Variants in EXO1 observed in about 807,000 individuals in gnomAD.
EXO1 encodes the protein exonuclease 1.
Under a neutral mutation model 84.5 loss-of-function variants are expected in EXO1, and 69 were observed. The ratio of observed to expected loss-of-function variants is 0.82; its 90% CI spans 0.67 to 1.00. The LOEUF (loss-of-function observed/expected upper bound fraction) is 1.00, where lower values mean the gene tolerates loss of function less well. Ranked by LOEUF, EXO1 falls within the 50% of genes least tolerant of loss-of-function variation. The probability of loss-of-function intolerance (pLI) is 0.00; values close to 1 mark genes in which losing one functional copy is unlikely to be tolerated. For synonymous variants in EXO1, 373 were observed against 366.1 expected (o/e 1.02, Z -0.21); for missense variants, 1,045 against 1,000.7 (o/e 1.04, Z -0.60).
intron 8 of EXO1, among the ~76,000 whole-genome samples, chr1:241,859,470 C>T (rs1222500207): frequency 6.6e-6 from 1 of 152,124 alleles, no homozygotes; most frequent in Non-Finnish European, 1.5e-5. Flanking sequence ...TATAAAATTA[C>T]CTTCAGTCTA....
At chr1:241,884,870 G>T (rs2148536175) in intron 14 of EXO1, among the ~76,000 whole-genome samples, 1 of 152,274 alleles carries the variant, frequency 6.6e-6, no homozygotes, top group Middle Eastern at 3.4e-3. Flanking sequence ...TTTATAAATA[G>T]CACATTTTTA....
chr1:241,885,389 G>A lies in EXO1; in HGVS notation c.2287G>A (p.Ala763Thr). 1 of 1,613,876 alleles carries A rather than the reference G, an allele frequency of 6.2e-7. No individual in the cohort carries two copies. The highest frequency in any genetic ancestry group is 1.1e-5 in the South Asian group (1 of 91,074). Residue 763 changes from alanine (A) to threonine (T), a missense_variant, in exon 15 of 16, where the codon GCC becomes ACC. Coordinates refer to ENST00000366548, the MANE Select transcript of EXO1 (RefSeq NM_130398.4). ...TKIKPLGPARASGLSKKPASI... is the reference protein window; with the variant it reads ...TKIKPLGPARTSGLSKKPASI... ...GATCAAACCTCTAGGACCTGCCAGA[G>A]CCAGTGGGCTGAGCAAGAAGCCGGC... is the stretch of plus-strand genomic sequence containing the variant.
At position 241,889,814 on chromosome 1, in the gene EXO1, G is replaced by C; in HGVS notation, c.*214G>C. ...TAAGAAGCTAAATAGAAGAATAATT[G>C]TATCTCTGACAGGTTTTTGGAGGTT... On this transcript the variant is annotated 3_prime_UTR_variant, in exon 16 of 16. Coordinates refer to ENST00000366548, the MANE Select transcript of EXO1 (RefSeq NM_130398.4). The C allele has an allele frequency of 3.6e-6, 2 of 552,438 alleles. No homozygotes were observed. Among genetic ancestry groups the C allele is most frequent in the Non-Finnish European group, 6.4e-6 (2 of 311,572 alleles). The allele number at this position is 552,438 out of a possible 1,614,324, so 34.2% of individuals were successfully genotyped here. A position where few individuals can be genotyped will look rare whatever the true frequency, so the allele number is the denominator to read the frequency against.
intron 15 of EXO1, among the ~76,000 whole-genome samples, chr1:241,889,133 A>G (rs1663237810): frequency 6.6e-6 from 1 of 152,176 alleles, no homozygotes; most frequent in Non-Finnish European, 1.5e-5. Context: ...TGCTTCACTT[A>G]TATTAGTTCT....
At chr1:241,852,975 TAAAA>T (rs963897079) in intron 5 of EXO1, among the ~76,000 whole-genome samples, 114 of 152,314 alleles carry the variant, frequency 7.5e-4, no homozygotes, top group African/African-American at 2.6e-3. Context: ...AATTAATAAA[TAAAA>T]TTTTAATTTG....
chr1:241,872,395 T>C lies in EXO1; in HGVS notation c.1514+117T>C, dbSNP rs544429205. On this transcript the variant is annotated intron_variant, in intron 12 of 15. Transcript: ENST00000366548. ...TATACTTTAAGTTCTGGGGTACATG[T>C]GCAGAACGTGCAGTTTTGTTACATG... 4.3e-4 allele frequency: 488 copies of C among 1,122,900 alleles called. No individual in the cohort carries two copies. In the African/African-American group the frequency reaches 7.0e-3, roughly 16 times the overall value. 69.6% of individuals were successfully genotyped at this position (1,122,900 alleles called of 1,614,324 possible). A position where few individuals can be genotyped will look rare whatever the true frequency, so the allele number is the denominator to read the frequency against.
rs61644263 is a variant in EXO1, at chr1:241,885,836, GGTTTTTT to G, written c.2405+358_2405+364del. 1.0e-3 allele frequency among the ~76,000 whole-genome samples: 38 copies of G among 37,814 alleles called. 1 individual carries two copies. Among genetic ancestry groups the G allele is most frequent in the East Asian group, 3.3e-3 (7 of 2,146 alleles). 24.8% of individuals were successfully genotyped at this position (37,814 alleles called of 152,430 possible). The stretch of plus-strand genomic sequence containing the variant: ...TTGTAAAGAGAATAAAATTTTATTT[GGTTTTTT>G]GTTTTTTGTTTTTTGTTTTTTGTTT... On this transcript the variant is annotated intron_variant, in intron 15 of 15. Transcript: ENST00000366548.
At chr1:241,875,608 G>A (rs1662346716) in intron 12 of EXO1, among the ~76,000 whole-genome samples, 1 of 152,228 alleles carries the variant, frequency 6.6e-6, no homozygotes, top group South Asian at 2.1e-4. Context: ...GCCGGCCGTG[G>A]TGGTTCATGC....
At chr1:241,851,562 T>C (rs1473149512) in intron 4 of EXO1, among the ~76,000 whole-genome samples, 2 of 152,256 alleles carry the variant, frequency 1.3e-5, no homozygotes, top group African/African-American at 4.8e-5. Flanking sequence ...TGCAGTTGTT[T>C]TTGTCACAAT....
At chr1:241,851,643 C>G (rs1455635340) in intron 4 of EXO1, among the ~76,000 whole-genome samples, 1 of 152,192 alleles carries the variant, frequency 6.6e-6, no homozygotes, top group Non-Finnish European at 1.5e-5. Context: ...TGTCCTGGAG[C>G]CAATTCATAT....
chr1:241,889,912 A>G lies in EXO1; in HGVS notation c.*312A>G. 3.0e-6 allele frequency: 1 copy of G among 337,344 alleles called. No individual in the cohort carries two copies. Among genetic ancestry groups the G allele is most frequent in the Non-Finnish European group, 5.6e-6 (1 of 179,308 alleles). The allele number at this position is 337,344 out of a possible 1,614,324, so 20.9% of individuals were successfully genotyped here. ...AAATATTTCTGTAATGTTGTCAAGT[A>G]GAAAGATAGTAAATGGAGAAACTAC... is the stretch of plus-strand genomic sequence containing the variant. On this transcript the variant is annotated 3_prime_UTR_variant, in exon 16 of 16. Coordinates refer to ENST00000366548, the MANE Select transcript of EXO1 (RefSeq NM_130398.4).
chr1:241,881,291 C>T (rs1662737178), intron 13 of EXO1, among the ~76,000 whole-genome samples: 1 of 152,196 alleles, frequency 6.6e-6, no homozygotes, highest in Non-Finnish European at 1.5e-5. Flanking sequence ...CTTGGCCTCC[C>T]AAAGTGCTGG....
intron 5 of EXO1, 135 bp from the exon 6 acceptor site, chr1:241,853,223 G>A: frequency 3.6e-6 from 3 of 841,114 alleles, no homozygotes; most frequent in Non-Finnish European, 5.9e-6. Context: ...TGTTCTCAAG[G>A]GCCTGGTGTG....
intron 13 of EXO1, 36 bp from the exon 14 acceptor site, chr1:241,881,879 TC>T: frequency 1.9e-6 from 2 of 1,064,824 alleles, no homozygotes; most frequent in East Asian, 2.4e-5. Flanking sequence ...ACAGTAAAAA[TC>T]TAATTTTATT....
At position 241,879,009 on chromosome 1, in the gene EXO1, A is replaced by G. The variant is rs575361279; in HGVS notation, c.1775A>G (p.Lys592Arg). The G allele has an allele frequency of 9.9e-6, 16 of 1,614,198 alleles. No homozygotes were observed. The South Asian group carries it at 1.1e-4, about 11-fold the overall frequency. The change falls in exon 13 of 16, where the codon AAA (lysine) becomes AGA (arginine). Residue 592 changes from lysine (K) to arginine (R), a missense_variant. Physicochemically the swap from Lys to Arg is conservative, Grantham distance 26 (BLOSUM62 2). Transcript: ENST00000366548. Reference protein sequence around the residue: ...DEESYSFESSKFTRTISPPTL... With the variant: ...DEESYSFESSRFTRTISPPTL... ...GAGTCCTACTCTTTTGAGAGCAGCA[A>G]ATTTACAAGGACCATTTCACCACCC... is the stretch of plus-strand genomic sequence containing the variant.
rs548499993 is a variant in EXO1 at position 241,860,553 on chromosome 1, A to T, written c.793A>T (p.Ile265Phe). ...AATTGGACATTATCTCAAGATGAAT[A>T]TCACGGTACCAGAGGATTACATCAA... is the stretch of plus-strand genomic sequence containing the variant. ...KKIGHYLKMN[I>F]TVPEDYINGF... The change falls in exon 9 of 16, where the codon ATC becomes TTC. Residue 265 changes from isoleucine to phenylalanine, a missense_variant. Ile to Phe is a conservative substitution (Grantham distance 21). Coordinates refer to ENST00000366548, the MANE Select transcript of EXO1 (RefSeq NM_130398.4). The T allele has an allele frequency of 2.5e-6, 4 of 1,614,080 alleles. No individual in the cohort carries two copies. In the South Asian group the frequency reaches 4.4e-5, roughly 18 times the overall value.
At chr1:241,867,597 T>C (rs973864676) in intron 11 of EXO1, among the ~76,000 whole-genome samples, 3 of 152,240 alleles carry the variant, frequency 2.0e-5, no homozygotes, top group African/African-American at 7.2e-5. Flanking sequence ...TTTAATACGA[T>C]GTGATGTAAG....
At chr1:241,859,286 A>T (rs1661240710) in intron 8 of EXO1, among the ~76,000 whole-genome samples, 2 of 152,160 alleles carry the variant, frequency 1.3e-5, no homozygotes, top group Admixed American at 6.5e-5. Flanking sequence ...CATTTATGCA[A>T]ATCTCTTTAA....
rs536895678 is a variant in EXO1, at chr1:241,856,016, A to T, written c.406-1329A>T. ...GGCTCCGGCCTTGGCCAGCCCAGAA[A>T]GGGGCTCCCACAGAGCAGCGGTGGG... On this transcript the variant is annotated intron_variant, in intron 6 of 15. Coordinates refer to ENST00000366548, the MANE Select transcript of EXO1 (RefSeq NM_130398.4). Among the ~76,000 whole-genome samples the T allele has an allele frequency of 1.1e-4, 16 of 152,286 alleles. No individual in the cohort carries two copies. In the East Asian group the frequency reaches 3.1e-3, roughly 30 times the overall value.
Sources: allele counts gnomAD v4.1 joint callset (sites outside exome capture counted in the v4.1 genomes callset), GRCh38; gene constraint gnomAD v4.1.1; transcripts MANE v1.5; gene names NCBI Gene and HGNC (gene_info 2026-07-23, HGNC 2026-07-21).